The following SMIM13 variants were observed in gnomAD, a reference collection of about 807,000 sequenced individuals.
SMIM13 encodes the protein UPF0766 protein C6orf228.
SMIM13 carries 3 observed loss-of-function variants against 5.9 expected under a neutral mutation model. That is an observed-to-expected ratio of 0.51 (90% CI 0.23 to 1.31). The LOEUF (loss-of-function observed/expected upper bound fraction) is 1.31, where lower values mean the gene tolerates loss of function less well. Ranked by LOEUF, SMIM13 falls within the 40% of genes most tolerant of loss-of-function variation. SMIM13 has a pLI of 0.18. For missense variants in SMIM13, 85 were observed against 109.9 expected (o/e 0.77, Z 1.01); for synonymous variants, 55 against 46.0 (o/e 1.19, Z -0.79).
chr6:11,128,883 A>G (rs1280075022), intron 1 of SMIM13, among the ~76,000 whole-genome samples: 1 of 152,026 alleles, frequency 6.6e-6, no homozygotes, highest in African/African-American at 2.4e-5. Flanking sequence ...TTCTCTTTCC[A>G]TGGCATGTGA....
chr6:11,122,890 T>C (rs1482048662), intron 1 of SMIM13, among the ~76,000 whole-genome samples: 3 of 152,042 alleles, frequency 2.0e-5, no homozygotes, highest in Admixed American at 2.0e-4. Context: ...GGCTGTTCCC[T>C]CTACTCCCCT....
At chr6:11,117,417 C>T (rs982715736) in intron 1 of SMIM13, among the ~76,000 whole-genome samples, 5 of 151,414 alleles carry the variant, frequency 3.3e-5, no homozygotes, top group South Asian at 4.2e-4. Flanking sequence ...CCTCGTGATC[C>T]GCCTGCCTTG....
rs538865139 is a variant in SMIM13, at chr6:11,137,418, T to C, written c.*2816T>C. On this transcript the variant is annotated 3_prime_UTR_variant, in exon 2 of 2. Coordinates refer to ENST00000416247, the MANE Select transcript of SMIM13 (RefSeq NM_001135575.2). ...TTGTTTTCCTGTTTTAGTGCTTTTGTAGCTAAAACTTACTGGAACTGCATC... is the reference window on the plus strand; with the variant it reads ...TTGTTTTCCTGTTTTAGTGCTTTTGCAGCTAAAACTTACTGGAACTGCATC... 9.3e-5 allele frequency: 10 copies of C among 107,100 alleles called. No individual in the cohort carries two copies. In the East Asian group the frequency reaches 2.4e-3, roughly 26 times the overall value. The allele number at this position is 107,100 out of a possible 1,614,324, so 6.6% of individuals were successfully genotyped here. A position where few individuals can be genotyped will look rare whatever the true frequency, so the allele number is the denominator to read the frequency against.
At position 11,138,111 on chromosome 6, in the gene SMIM13, TGTAAC is replaced by T. The variant is rs1345991042; in HGVS notation, c.*3514_*3518del. 2.6e-5 allele frequency: 4 copies of T among 152,206 alleles called. No individual in the cohort carries two copies. Among genetic ancestry groups the T allele is most frequent in the South Asian group, 4.1e-4 (2 of 4,836 alleles). 9.4% of individuals were successfully genotyped at this position (152,206 alleles called of 1,614,324 possible). ...AAGTCAGTTTTCTCAAGTAGTATGT[TGTAAC>T]GTAAGATGTAACTGATATAACTAGA... On this transcript the variant is annotated 3_prime_UTR_variant, in exon 2 of 2. Coordinates refer to ENST00000416247, the MANE Select transcript of SMIM13 (RefSeq NM_001135575.2).
rs1425739423 is a variant in SMIM13 at position 11,138,677 on chromosome 6, T to C, written c.*4075T>C. On this transcript the variant is annotated 3_prime_UTR_variant, in exon 2 of 2. Coordinates refer to ENST00000416247, the MANE Select transcript of SMIM13 (RefSeq NM_001135575.2). ...TCAGTACTATGAAGCTTCTGTGGTT[T>C]GTATGATGTTTTAACTTTCACTTTA... 3 of 152,170 alleles carry C rather than the reference T, an allele frequency of 2.0e-5. No homozygotes were observed. Among genetic ancestry groups the C allele is most frequent in the Non-Finnish European group, 4.4e-5 (3 of 68,038 alleles). 9.4% of individuals were successfully genotyped at this position (152,170 alleles called of 1,614,324 possible).
intron 1 of SMIM13, among the ~76,000 whole-genome samples, chr6:11,116,483 G>A (rs908213314): frequency 6.6e-6 from 1 of 152,150 alleles, no homozygotes; most frequent in Non-Finnish European, 1.5e-5. Context: ...ATTCATCTGG[G>A]CTGGGACTTT....
chr6:11,106,255 G>A (rs1232443179), intron 1 of SMIM13, among the ~76,000 whole-genome samples: 3 of 152,188 alleles, frequency 2.0e-5, no homozygotes, highest in African/African-American at 7.2e-5. Context: ...TCCTGTGAAG[G>A]TGTCTACACA....
intron 1 of SMIM13, among the ~76,000 whole-genome samples, chr6:11,133,539 TAGAC>T (rs1217327378): frequency 6.6e-6 from 1 of 152,202 alleles, no homozygotes; most frequent in African/African-American, 2.4e-5. Flanking sequence ...GTCTTTAAAG[TAGAC>T]AGCATCAAGA....
At chr6:11,094,454 TTTG>T (rs1757896446) in intron 1 of SMIM13, 65 bp downstream of exon 1, 18 of 1,315,026 alleles carry the variant, frequency 1.4e-5, no homozygotes, top group South Asian at 7.8e-5. Context: ...TGGGGTTTTT[TTTG>T]TTGTTTGTTT....
rs1321207964 is a variant in SMIM13 at position 11,105,108 on chromosome 6, A to G, written c.76+10719A>G. On this transcript the variant is annotated intron_variant, in intron 1 of 1. Coordinates refer to ENST00000416247, the MANE Select transcript of SMIM13 (RefSeq NM_001135575.2). ...ATAGGAAATATGTAATTCCGCCTCT[A>G]TGCTTGTCCATTCTCTGGGCGAGGC... 5.6e-6 allele frequency: 9 copies of G among 1,614,076 alleles called. No individual in the cohort carries two copies. The highest frequency in any genetic ancestry group is 5.3e-5 in the African/African-American group (4 of 74,914).
chr6:11,104,358 G>A lies in SMIM13; in HGVS notation c.76+9969G>A, dbSNP rs1758050151. On this transcript the variant is annotated intron_variant, in intron 1 of 1. Transcript: ENST00000416247. ...GATGTCTGGGGTTACATAGCCTATG[G>A]TACAAGTTCCAGTCCAGTTACTGGG... 3 of 1,551,588 alleles carry A rather than the reference G, an allele frequency of 1.9e-6. No individual in the cohort carries two copies. The South Asian group carries it at 3.6e-5, about 18-fold the overall frequency.
At chr6:11,094,422 A>C (rs1757895604) in intron 1 of SMIM13, 33 bp downstream of exon 1, 12 of 1,506,180 alleles carry the variant, frequency 8.0e-6, no homozygotes, top group Non-Finnish European at 9.8e-6. Flanking sequence ...AGGCAGTTCC[A>C]CACGCCGGGT....
intron 1 of SMIM13, among the ~76,000 whole-genome samples, chr6:11,115,363 C>T (rs1192530353): frequency 6.6e-6 from 1 of 152,172 alleles, no homozygotes; most frequent in African/African-American, 2.4e-5. Context: ...GCGTTCCTTT[C>T]TGGAGCTTGG....
Position 11,111,661 on chromosome 6 carries a change from C to T in SMIM13, c.76+17272C>T, listed in dbSNP as rs541482848. The T allele has an allele frequency of 1.2e-4, 18 of 152,392 alleles. No individual in the cohort carries two copies. The East Asian group carries it at 2.7e-3, about 23-fold the overall frequency. 9.4% of individuals were successfully genotyped at this position (152,392 alleles called of 1,614,324 possible). ...ACGCCTCCAGCCGAAGAAGGCAAGG[C>T]GTAGAGGTGTCTTACCACTAGGGAA... On this transcript the variant is annotated intron_variant, in intron 1 of 1. Transcript: ENST00000416247.
At chr6:11,096,168 G>A (rs10946959) in intron 1 of SMIM13, among the ~76,000 whole-genome samples, 28,845 of 152,184 alleles carry the variant, frequency 0.19, 3,101 homozygotes, top group African/African-American at 0.29. Context: ...GACTTGTTTT[G>A]TGGAGAACAA....
intron 1 of SMIM13, among the ~76,000 whole-genome samples, chr6:11,114,520 TA>T (rs751537418): frequency 4.1e-5 from 6 of 146,692 alleles, no homozygotes; most frequent in Admixed American, 2.7e-4. Flanking sequence ...CTTTTTTTTT[TA>T]AATCAGGAGT....
At chr6:11,111,972 A>G (rs1437015617) in intron 1 of SMIM13, among the ~76,000 whole-genome samples, 3 of 152,174 alleles carry the variant, frequency 2.0e-5, no homozygotes, top group Non-Finnish European at 4.4e-5. Flanking sequence ...TTTGCTTCTT[A>G]GTGCGCATGC....
intron 1 of SMIM13, chr6:11,111,660 G>A (rs1758169360): frequency 6.6e-6 from 1 of 152,428 alleles, no homozygotes; most frequent in Admixed American, 6.5e-5. Flanking sequence ...AGAAGGCAAG[G>A]CGTAGAGGTG....
rs201072287 is a variant in SMIM13 at position 11,111,439 on chromosome 6, CT to C, written c.76+17051del. 1.3e-3 allele frequency among the ~76,000 whole-genome samples: 201 copies of C among 152,198 alleles called. 5 individuals carry two copies. The East Asian group carries it at 0.035, about 26-fold the overall frequency. On this transcript the variant is annotated intron_variant, in intron 1 of 1. Transcript: ENST00000416247. ...CCTACCGCTCTCATCAGCCTCCTGT[CT>C]GGGGGGGCCATTAGTGTCTCAGGTC...
Sources: gnomAD v4.1 joint callset for allele counts (sites outside exome capture counted in the v4.1 genomes callset) on GRCh38, gnomAD v4.1.1 for gene constraint, MANE v1.5 for transcripts, NCBI Gene and HGNC (gene_info 2026-07-23, HGNC 2026-07-21) for gene names.